DDHD1: variants seen among roughly 807,000 people sequenced by gnomAD.
The protein encoded by DDHD1 is DDHD domain containing 1.
Under a neutral mutation model 96.4 loss-of-function variants are expected in DDHD1, and 49 were observed. The observed-to-expected ratio is 0.51, with a 90% CI of 0.40 to 0.64. The LOEUF (loss-of-function observed/expected upper bound fraction) is 0.64, where lower values mean the gene tolerates loss of function less well. Among genes scored for constraint, DDHD1 ranks in the 30% least tolerant of loss-of-function variants. DDHD1 has a pLI of 0.00. For missense variants in DDHD1, 1,106 were observed against 1,161.2 expected (o/e 0.95, Z 0.69); for synonymous variants, 442 against 446.5 (o/e 0.99, Z 0.13).
At chr14:53,087,189 T>TAA (rs938297942) in intron 4 of DDHD1, among the ~76,000 whole-genome samples, 2 of 152,050 alleles carry the variant, frequency 1.3e-5, no homozygotes, top group African/African-American at 4.8e-5. Flanking sequence ...CAAAGAGACT[T>TAA]AGACTCCCAT....
intron 2 of DDHD1, among the ~76,000 whole-genome samples, chr14:53,094,444 G>A (rs569631481): frequency 1.3e-5 from 2 of 152,134 alleles, no homozygotes; most frequent in African/African-American, 2.4e-5. Context: ...AGTCACGTCT[G>A]TAATCCAGCA....
At position 53,136,067 on chromosome 14, in the gene DDHD1, G is replaced by A. The variant is rs191468905; in HGVS notation, c.838+16194C>T. On this transcript the variant is annotated intron_variant, in intron 1 of 12. Transcript: ENST00000673822. ...CCACCCTAACTGATCAATGTGCTTT[G>A]TAATTTCCCCCACCCTTAAGAAGGT... Among the ~76,000 whole-genome samples the A allele has an allele frequency of 7.0e-4, 107 of 152,244 alleles. 1 individual carries two copies. The highest frequency in any genetic ancestry group is 2.4e-3 in the Admixed American group (36 of 15,294).
chr14:53,061,013 A>T (rs1883500496), intron 8 of DDHD1, 113 bp downstream of exon 8: 1 of 992,456 alleles, frequency 1.0e-6, no homozygotes, highest in Non-Finnish European at 1.5e-6. Context: ...TGTTGAATAA[A>T]TATTTATTTT....
At chr14:53,124,881 T>C (rs1875595229) in intron 1 of DDHD1, among the ~76,000 whole-genome samples, 1 of 152,202 alleles carries the variant, frequency 6.6e-6, no homozygotes, top group South Asian at 2.1e-4. Flanking sequence ...AAGATTAAGG[T>C]GTCAGCAGGT....
chr14:53,073,961 T>C (rs1595125240), intron 4 of DDHD1, 114 bp from the exon 5 acceptor site: 1 of 902,016 alleles, frequency 1.1e-6, no homozygotes, highest in Non-Finnish European at 1.7e-6. Context: ...GCTTATAGCT[T>C]TGTCCAGTTA....
intron 2 of DDHD1, among the ~76,000 whole-genome samples, chr14:53,094,267 T>C (rs1246616870): frequency 6.6e-6 from 1 of 151,980 alleles, no homozygotes; most frequent in Admixed American, 6.6e-5. Flanking sequence ...AAAAAAATAA[T>C]CTATTAGAAA....
rs1451239636 is a variant in DDHD1, at chr14:53,136,299, TG to T, written c.838+15961del. On this transcript the variant is annotated intron_variant, in intron 1 of 12. Transcript: ENST00000673822. The stretch of plus-strand genomic sequence containing the variant: ...GTTGCTCACACAAAACCTGTTTTGG[TG>T]GTCTCTTCACACGGACGCATGAGAC... 1.4e-4 allele frequency among the ~76,000 whole-genome samples: 22 copies of T among 152,258 alleles called. No homozygotes were observed. In the East Asian group the frequency reaches 4.2e-3, roughly 29 times the overall value.
chr14:53,114,632 G>A (rs1010396898), intron 1 of DDHD1, among the ~76,000 whole-genome samples: 2 of 152,314 alleles, frequency 1.3e-5, no homozygotes, highest in South Asian at 2.1e-4. Flanking sequence ...ACCTGCAGGA[G>A]AGGGGCCAGA....
intron 4 of DDHD1, among the ~76,000 whole-genome samples, chr14:53,074,359 T>C (rs1884775663): frequency 6.6e-6 from 1 of 151,818 alleles, no homozygotes; most frequent in Admixed American, 6.6e-5. Context: ...TTAGTATTAG[T>C]ATTACAATTA....
At position 53,046,668 on chromosome 14, in the gene DDHD1, T is replaced by C; in HGVS notation, c.*100A>G. 1.3e-6 allele frequency: 1 copy of C among 778,930 alleles called. No individual in the cohort carries two copies. Among genetic ancestry groups the C allele is most frequent in the Non-Finnish European group, 1.9e-6 (1 of 526,796 alleles). The allele number at this position is 778,930 out of a possible 1,614,324, so 48.3% of individuals were successfully genotyped here. ...AAATATATGTTGCCCTAAAGAAAAC[T>C]GAAATATACTTTAACCCTGAAATCT... On this transcript the variant is annotated 3_prime_UTR_variant, in exon 13 of 13. Coordinates refer to ENST00000673822, the MANE Select transcript of DDHD1 (RefSeq NM_001160148.2).
rs1033477030 is a variant in DDHD1 at position 53,045,032 on chromosome 14, G to C, written c.*1736C>G. 2.6e-5 allele frequency: 4 copies of C among 152,120 alleles called. No individual in the cohort carries two copies. Among genetic ancestry groups the C allele is most frequent in the African/African-American group, 9.7e-5 (4 of 41,418 alleles). 9.4% of individuals were successfully genotyped at this position (152,120 alleles called of 1,614,324 possible). On this transcript the variant is annotated 3_prime_UTR_variant, in exon 13 of 13. Transcript: ENST00000673822. ...CAGGGATGGCTACTGATCCCCTCTA[G>C]GTAACTCCTCTTTTGTGTGAGAATC...
At chr14:53,099,467 T>C (rs917778855) in intron 2 of DDHD1, among the ~76,000 whole-genome samples, 8 of 152,230 alleles carry the variant, frequency 5.3e-5, no homozygotes, top group Non-Finnish European at 7.3e-5. Context: ...CTTGACACTT[T>C]TGAAGACTGC....
chr14:53,068,436 A>G (rs1016599824), intron 6 of DDHD1, among the ~76,000 whole-genome samples: 5 of 151,968 alleles, frequency 3.3e-5, no homozygotes, highest in African/African-American at 1.2e-4. Flanking sequence ...TTTTTGGTAG[A>G]GACAGGGTCT....
At position 53,152,567 on chromosome 14, in the gene DDHD1, T is replaced by G; in HGVS notation, c.532A>C (p.Thr178Pro). Residue 178 changes from threonine (T) to proline (P), a missense_variant, in exon 1 of 13, where the codon ACC becomes CCC. Thr to Pro is a conservative substitution (Grantham distance 38, BLOSUM62 -1). Around this residue, in one of 2 missense-constraint regions of DDHD1, gnomAD observed 456 missense variants for 402.4 expected, o/e 1.13. Transcript: ENST00000673822. The part of the protein sequence containing the change: ...VRWFYKEDKK[T>P]WKPFIGYDSL... Reference sequence around the variant, plus strand: ...TCGTAGCCGATGAAGGGCTTCCAGGTCTTCTTGTCCTCCTTGTAGAACCAG... The same window carrying G: ...TCGTAGCCGATGAAGGGCTTCCAGGGCTTCTTGTCCTCCTTGTAGAACCAG... The G allele has an allele frequency of 6.2e-7, 1 of 1,613,728 alleles. No homozygotes were observed. Among genetic ancestry groups the G allele is most frequent in the Non-Finnish European group, 8.5e-7 (1 of 1,179,878 alleles).
chr14:53,153,272 G>A lies in DDHD1; in HGVS notation c.-174C>T, dbSNP rs1446274731. On this transcript the variant is annotated 5_prime_UTR_variant, in exon 1 of 13. Coordinates refer to ENST00000673822, the MANE Select transcript of DDHD1 (RefSeq NM_001160148.2). Reference sequence around the variant, plus strand: ...CGCCCCCACGAGACCCGCAGCCGCCGCAGCTGCGTTCTGCCGCCGGCCCCA... The same window carrying A: ...CGCCCCCACGAGACCCGCAGCCGCCACAGCTGCGTTCTGCCGCCGGCCCCA... 13 of 472,048 alleles carry A rather than the reference G, an allele frequency of 2.8e-5. 1 individual carries two copies. The highest frequency in any genetic ancestry group is 5.6e-4 in the Middle Eastern group (1 of 1,774). 29.2% of individuals were successfully genotyped at this position (472,048 alleles called of 1,614,324 possible). A position where few individuals can be genotyped will look rare whatever the true frequency, so the allele number is the denominator to read the frequency against.
chr14:53,153,082 C>T lies in DDHD1; in HGVS notation c.17G>A (p.Arg6His). 2.1e-6 allele frequency: 3 copies of T among 1,442,890 alleles called. No individual in the cohort carries two copies. The highest frequency in any genetic ancestry group is 2.7e-6 in the Non-Finnish European group (3 of 1,110,150). 89.4% of individuals were successfully genotyped at this position (1,442,890 alleles called of 1,614,324 possible). The change falls in exon 1 of 13, where the codon CGC becomes CAC. Residue 6 changes from arginine (R) to histidine (H), a missense_variant. This residue lies in a region of DDHD1 where 456 missense variants were observed against 402.4 expected (regional missense o/e 1.13). Coordinates refer to ENST00000673822, the MANE Select transcript of DDHD1 (RefSeq NM_001160148.2). MNYPG[R>H]GSPRSPEHNG... ...ATGCTCGGGGCTCCGTGGGGACCCG[C>T]GGCCCGGGTAATTCATGCTGTGGAG...
At chr14:53,081,604 T>G (rs772322629) in intron 4 of DDHD1, among the ~76,000 whole-genome samples, 45 of 152,336 alleles carry the variant, frequency 3.0e-4, no homozygotes, top group Non-Finnish European at 4.6e-4. Context: ...TTATACATCT[T>G]ACAATGCACA....
intron 1 of DDHD1, among the ~76,000 whole-genome samples, chr14:53,130,193 G>A (rs987986302): frequency 3.9e-5 from 6 of 151,960 alleles, no homozygotes; most frequent in South Asian, 4.2e-4. Context: ...CCTCACACCC[G>A]GTCTAGATTA....
chr14:53,109,061 G>A (rs1887910596), intron 1 of DDHD1, among the ~76,000 whole-genome samples: 1 of 152,172 alleles, frequency 6.6e-6, no homozygotes, highest in African/African-American at 2.4e-5. Context: ...TTAGTAAAGA[G>A]GAGCGCCTAT....
Sources: allele counts gnomAD v4.1 joint callset (sites outside exome capture counted in the v4.1 genomes callset), GRCh38; gene constraint gnomAD v4.1.1; regional missense constraint gnomAD v4.1.1; transcripts MANE v1.5; gene names NCBI Gene and HGNC (gene_info 2026-07-23, HGNC 2026-07-21).